Variants in NOX1 observed in about 807,000 individuals in gnomAD.
The protein encoded by NOX1 is NADH/NADPH mitogenic oxidase subunit P65-MOX.
A neutral mutation model predicts 42.5 loss-of-function variants in NOX1; 34 were observed. The ratio of observed to expected loss-of-function variants is 0.80; its 90% CI spans 0.61 to 1.07. NOX1 has a LOEUF of 1.07. Ranked by LOEUF, NOX1 falls within the 50% of genes least tolerant of loss-of-function variation. NOX1 has a pLI of 0.00. For missense variants in NOX1, 408 were observed against 427.0 expected (o/e 0.96, Z 0.39); for synonymous variants, 143 against 152.5 (o/e 0.94, Z 0.46).
rs1376715338 is a variant in NOX1, at chrX:100,858,537, A to G, written c.804+3634T>C. Among the ~76,000 whole-genome samples the G allele has an allele frequency of 3.6e-5, 4 of 111,959 alleles. No homozygotes were observed. The East Asian group carries it at 8.3e-4, about 23-fold the overall frequency. ...TGATTTGGGCAGTAGGGCCATTTTA[A>G]TGATATTGATTCTTCCTATCCATTA... On this transcript the variant is annotated intron_variant, in intron 7 of 12. Coordinates refer to ENST00000372966, the MANE Select transcript of NOX1 (RefSeq NM_007052.5).
chrX:100,850,114 A>T, intron 9 of NOX1, 37 bp downstream of exon 9: 1 of 1,108,987 alleles, frequency 9.0e-7, no homozygotes, highest in Non-Finnish European at 1.2e-6. Flanking sequence ...GCCAGTCTGC[A>T]TCCTGGTCTG....
intron 2 of NOX1, among the ~76,000 whole-genome samples, chrX:100,866,531 G>A (rs956372516): frequency 3.7e-5 from 4 of 108,316 alleles, no homozygotes; most frequent in Non-Finnish European, 7.7e-5. Flanking sequence ...TATCTCTGGG[G>A]AGTAGGATGG....
At chrX:100,847,056 G>A (rs1255978092) in intron 12 of NOX1, among the ~76,000 whole-genome samples, 1 of 112,262 alleles carries the variant, frequency 8.9e-6, no homozygotes, top group Non-Finnish European at 1.9e-5. Context: ...GGATGTGGTG[G>A]TGGATGCCTG....
rs1342829081 is a variant in NOX1, at chrX:100,849,759, T to C, written c.1296+13A>G. On this transcript the variant is annotated intron_variant, in intron 10 of 12. Transcript: ENST00000372966. ...GACTCAGGCCAGAAGAAAAGTGATATACGGGATTATACCTTTTTTGTTTTG... is the reference window on the plus strand; with the variant it reads ...GACTCAGGCCAGAAGAAAAGTGATACACGGGATTATACCTTTTTTGTTTTG... The C allele has an allele frequency of 8.4e-7, 1 of 1,188,577 alleles. No homozygotes were observed. Among genetic ancestry groups the C allele is most frequent in the Non-Finnish European group, 1.1e-6 (1 of 883,523 alleles).
chrX:100,860,246 C>T (rs190917572), intron 7 of NOX1, among the ~76,000 whole-genome samples: 5 of 111,874 alleles, frequency 4.5e-5, no homozygotes, highest in Admixed American at 9.5e-5. Context: ...CACTTGTTTC[C>T]AGTCTTTTTT....
intron 1 of NOX1, among the ~76,000 whole-genome samples, chrX:100,873,041 G>A (rs1267528342): frequency 9.8e-6 from 1 of 102,226 alleles, no homozygotes; most frequent in African/African-American, 4.0e-5. Flanking sequence ...ACCTGGTCGG[G>A]GGGCGGGGGG....
chrX:100,864,432 T>A (rs931072312), intron 2 of NOX1, among the ~76,000 whole-genome samples: 1 of 112,712 alleles, frequency 8.9e-6, no homozygotes, highest in African/African-American at 3.2e-5. Flanking sequence ...ACACTTAAAA[T>A]TTTTAACCAA....
chrX:100,850,424 T>G, intron 8 of NOX1, 38 bp from the exon 9 acceptor site: 2 of 941,783 alleles, frequency 2.1e-6, no homozygotes, highest in Non-Finnish European at 2.9e-6. Flanking sequence ...AAGCAAACTC[T>G]AATGACGACA....
intron 2 of NOX1, among the ~76,000 whole-genome samples, chrX:100,867,982 A>T (rs954393283): frequency 8.9e-6 from 1 of 112,226 alleles, no homozygotes; most frequent in African/African-American, 3.2e-5. Context: ...TGAAAAAAAA[A>T]TGTCCATGGG....
chrX:100,856,029 C>T, intron 7 of NOX1: 4 of 1,096,031 alleles, frequency 3.6e-6, no homozygotes, highest in South Asian at 1.8e-5. Context: ...AGGTGATGTT[C>T]TTCCGTGTCT....
In NOX1 at chrX:100,855,967, A is replaced by G; in HGVS notation, c.805-4642T>C. ...AAGCCCCTTTTCTTGCCACTGCCTC[A>G]GTCATGATTTCAATCACTTCCATTT... On this transcript the variant is annotated intron_variant, in intron 7 of 12. Coordinates refer to ENST00000372966, the MANE Select transcript of NOX1 (RefSeq NM_007052.5). 3.5e-6 allele frequency: 4 copies of G among 1,133,896 alleles called. No homozygotes were observed. In the Admixed American group the frequency reaches 8.7e-5, roughly 25 times the overall value. 93.4% of individuals were successfully genotyped at this position (1,133,896 alleles called of 1,213,427 possible).
At chrX:100,854,079 G>A (rs1369407803) in intron 7 of NOX1, among the ~76,000 whole-genome samples, 2 of 111,065 alleles carry the variant, frequency 1.8e-5, no homozygotes, top group African/African-American at 3.3e-5. Flanking sequence ...GGAGGCAGAG[G>A]TTGCAGTGAG....
chrX:100,849,354 G>T lies in NOX1; in HGVS notation c.1369C>A (p.Gln457Lys). Residue 457 changes from glutamine (Q) to lysine (K), a missense_variant, in exon 11 of 13, where the codon CAG becomes AAG. By Grantham distance (53) the Gln-to-Lys change is moderately conservative. Transcript: ENST00000372966. ...WFNNLLTSLE[Q>K]EMEELGKVGF... ...ACTTTGCCTAATTCCTCCATCTCCT[G>T]TTCCAGGGAAGTCAACAGGTTGTTG... The T allele has an allele frequency of 8.3e-7, 1 of 1,210,713 alleles. No individual in the cohort carries two copies.
At chrX:100,846,906 G>C (rs2081690604) in intron 12 of NOX1, among the ~76,000 whole-genome samples, 1 of 55,959 alleles carries the variant, frequency 1.8e-5, no homozygotes, top group African/African-American at 7.2e-5. Flanking sequence ...ACCAGAATAA[G>C]GGCCGGGCAT....
intron 1 of NOX1, among the ~76,000 whole-genome samples, chrX:100,872,789 C>T (rs1388720216): frequency 9.1e-6 from 1 of 109,939 alleles, no homozygotes; most frequent in Non-Finnish European, 1.9e-5. Context: ...ACCCACAGGA[C>T]CTGAAGTCTA....
intron 2 of NOX1, among the ~76,000 whole-genome samples, chrX:100,868,685 A>G (rs770665438): frequency 1.1e-4 from 12 of 111,342 alleles, no homozygotes; most frequent in Non-Finnish European, 1.9e-4. Flanking sequence ...AGTGTTTTCA[A>G]GTTGTGTTTG....
chrX:100,850,416 G>A, intron 8 of NOX1, 30 bp from the exon 9 acceptor site: 1 of 1,007,608 alleles, frequency 9.9e-7, no homozygotes, highest in Non-Finnish European at 1.4e-6. Context: ...ACCAAAGAAA[G>A]CAAACTCTAA....
At chrX:100,855,150 A>G (rs2085157542) in intron 7 of NOX1, 2 of 383,889 alleles carry the variant, frequency 5.2e-6, no homozygotes, top group Admixed American at 3.3e-5. Flanking sequence ...AAACATGAGT[A>G]TTTGTATAAA....
chrX:100,873,395 T>A (rs1228297479), intron 1 of NOX1, among the ~76,000 whole-genome samples: 1 of 112,052 alleles, frequency 8.9e-6, no homozygotes, highest in African/African-American at 3.2e-5. Context: ...TTGGTTTACA[T>A]CTGCACTATG....
Sources: allele counts gnomAD v4.1 joint callset (sites outside exome capture counted in the v4.1 genomes callset), GRCh38; gene constraint gnomAD v4.1.1; transcripts MANE v1.5; gene names NCBI Gene and HGNC (gene_info 2026-07-23, HGNC 2026-07-21).